SLC37A1: variants seen among roughly 807,000 people sequenced by gnomAD.
The protein encoded by SLC37A1 is glucose-6-phosphate exchanger SLC37A1.
In SLC37A1, 49 loss-of-function variants were observed where a neutral mutation model predicts 75.3. That is an observed-to-expected ratio of 0.65 (90% CI 0.52 to 0.83). The LOEUF (loss-of-function observed/expected upper bound fraction) is 0.83, where lower values mean the gene tolerates loss of function less well. Ranked by LOEUF, SLC37A1 falls within the 40% of genes least tolerant of loss-of-function variation. The pLI, the probability that SLC37A1 is intolerant of heterozygous loss-of-function variation, is 0.00. For missense variants in SLC37A1, 566 were observed against 695.0 expected (o/e 0.81, Z 2.09); for synonymous variants, 268 against 292.1 (o/e 0.92, Z 0.84).
intron 8 of SLC37A1, 86 bp downstream of exon 8, chr21:42,543,688 G>A: frequency 7.2e-7 from 1 of 1,393,638 alleles, no homozygotes; most frequent in Non-Finnish European, 9.7e-7. Flanking sequence ...GAGTGTGAGA[G>A]CTGCGTGGCC....
At position 42,548,333 on chromosome 21, in the gene SLC37A1, T is replaced by G. The variant is rs978439053; in HGVS notation, c.768+1193T>G. Among the ~76,000 whole-genome samples the G allele has an allele frequency of 1.3e-5, 2 of 152,008 alleles. No homozygotes were observed. The highest frequency in any genetic ancestry group is 4.8e-5 in the African/African-American group (2 of 41,378). On this transcript the variant is annotated intron_variant, in intron 9 of 19. Transcript: ENST00000352133. The surrounding 1 kb of genome is among the most constrained non-coding windows in gnomAD (Gnocchi z 5.6). The stretch of plus-strand genomic sequence containing the variant: ...GAGATGTCTGAGTGTCCTTCAGACT[T>G]AACACGACTGGAGGAGATCTCTTGA...
intron 17 of SLC37A1, among the ~76,000 whole-genome samples, chr21:42,572,457 T>C (rs1332871462): frequency 1.3e-5 from 2 of 151,878 alleles, no homozygotes; most frequent in Admixed American, 6.6e-5. Context: ...CCTTCAACTT[T>C]CCTTTCTTTC....
chr21:42,554,191 A>G, intron 10 of SLC37A1, 49 bp downstream of exon 10: 1 of 1,565,988 alleles, frequency 6.4e-7, no homozygotes, highest in Non-Finnish European at 8.8e-7. Flanking sequence ...GCTGCAGGAA[A>G]ACTCCTTTGA....
At chr21:42,517,607 G>C (rs1238062015) in intron 1 of SLC37A1, among the ~76,000 whole-genome samples, 1 of 152,208 alleles carries the variant, frequency 6.6e-6, no homozygotes, top group East Asian at 1.9e-4. Context: ...TGGGAGACCA[G>C]GCCTGCCTGC....
intron 2 of SLC37A1, among the ~76,000 whole-genome samples, chr21:42,525,479 G>C (rs1388441914): frequency 6.6e-6 from 1 of 152,216 alleles, no homozygotes; most frequent in African/African-American, 2.4e-5. Flanking sequence ...TGGTATATGG[G>C]GAAAACCCCT....
In SLC37A1 at chr21:42,534,808, C is replaced by A. The variant is rs371414071; in HGVS notation, c.249C>A (p.Thr83=). Residue 83 remains threonine (T), a synonymous_variant, in exon 4 of 20, where the codon ACC becomes ACA. Transcript: ENST00000352133. The part of the protein sequence containing the change: ...AAPHQLPDNE[T]DCGWAPFDKN... ...CCCACCAGCTCCCTGACAATGAGAC[C>A]GACTGTGGCTGGGCACCGTTTGGTA... The A allele has an allele frequency of 6.2e-7, 1 of 1,613,836 alleles. No homozygotes were observed. Among genetic ancestry groups the A allele is most frequent in the Non-Finnish European group, 8.5e-7 (1 of 1,179,910 alleles).
intron 12 of SLC37A1, among the ~76,000 whole-genome samples, chr21:42,563,032 G>C (rs184627808): frequency 6.6e-6 from 1 of 152,068 alleles, no homozygotes; most frequent in Non-Finnish European, 1.5e-5. Context: ...TTGAGGAGGC[G>C]GTCTGGGGAC....
At chr21:42,569,738 T>C (rs978757270) in intron 17 of SLC37A1, among the ~76,000 whole-genome samples, 11 of 152,368 alleles carry the variant, frequency 7.2e-5, no homozygotes, top group Admixed American at 1.3e-4. Context: ...TTGTCTCCTC[T>C]GTCTCCTGCC....
chr21:42,508,962 C>T (rs1386768629), upstream of SLC37A1, among the ~76,000 whole-genome samples: 1 of 152,188 alleles, frequency 6.6e-6, no homozygotes, highest in Non-Finnish European at 1.5e-5. Context: ...GTCTCTAATT[C>T]AAGTATCACA....
chr21:42,570,052 G>T, intron 17 of SLC37A1, among the ~76,000 whole-genome samples: 1 of 149,960 alleles, frequency 6.7e-6, no homozygotes, highest in Non-Finnish European at 1.5e-5. Flanking sequence ...CTGAGAAGCG[G>T]CGGGCAGGGT....
At chr21:42,525,910 G>T (rs376039498) in intron 3 of SLC37A1, 53 bp downstream of exon 3, 3 of 1,410,170 alleles carry the variant, frequency 2.1e-6, no homozygotes, top group South Asian at 1.2e-5. Context: ...TTCGTCACTT[G>T]AAAAGCTTGT....
At chr21:42,517,898 G>T (rs1458638967) in intron 1 of SLC37A1, among the ~76,000 whole-genome samples, 1 of 152,242 alleles carries the variant, frequency 6.6e-6, no homozygotes, top group Non-Finnish European at 1.5e-5. Context: ...TGGAACTGAG[G>T]CAGTCCAGTG....
chr21:42,532,747 C>G (rs546936859), intron 3 of SLC37A1, among the ~76,000 whole-genome samples: 89 of 152,208 alleles, frequency 5.8e-4, no homozygotes, highest in African/African-American at 2.0e-3. Context: ...CAGGGGGACC[C>G]AAGCAGTTGG....
At chr21:42,515,313 T>C (rs1232732698) in intron 1 of SLC37A1, among the ~76,000 whole-genome samples, 4 of 152,210 alleles carry the variant, frequency 2.6e-5, no homozygotes, top group African/African-American at 9.7e-5. Flanking sequence ...ATGAAAACTT[T>C]TGGAGGAGAA....
At position 42,518,356 on chromosome 21, in the gene SLC37A1, G is replaced by A. The variant is rs1255609759; in HGVS notation, c.-99G>A. The A allele has an allele frequency of 3.9e-5, 57 of 1,479,540 alleles. No homozygotes were observed. The highest frequency in any genetic ancestry group is 1.8e-4 in the South Asian group (16 of 87,812). 91.7% of individuals were successfully genotyped at this position (1,479,540 alleles called of 1,614,324 possible). A position where few individuals can be genotyped will look rare whatever the true frequency, so the allele number is the denominator to read the frequency against. On this transcript the variant is annotated 5_prime_UTR_variant, in exon 2 of 20. Coordinates refer to ENST00000352133, the MANE Select transcript of SLC37A1 (RefSeq NM_001320537.2). ...TCCACGCTTTCCAGCCTGTGGGAGCGGCAGGGGCAACAGAGAGAGGATCTG... is the reference window on the plus strand; with the variant it reads ...TCCACGCTTTCCAGCCTGTGGGAGCAGCAGGGGCAACAGAGAGAGGATCTG...
At chr21:42,528,434 G>A (rs530360357) in intron 3 of SLC37A1, among the ~76,000 whole-genome samples, 12 of 152,318 alleles carry the variant, frequency 7.9e-5, no homozygotes, top group East Asian at 5.8e-4. Flanking sequence ...GAGGCTTCCC[G>A]GAGAAGCTTA....
intron 2 of SLC37A1, among the ~76,000 whole-genome samples, chr21:42,519,373 C>T (rs955594866): frequency 6.6e-6 from 1 of 152,070 alleles, no homozygotes; most frequent in Non-Finnish European, 1.5e-5. Context: ...AACAGATGGG[C>T]GATGTGGTAG....
chr21:42,563,683 C>A, intron 12 of SLC37A1, 132 bp from the exon 13 acceptor site: 2 of 725,944 alleles, frequency 2.8e-6, no homozygotes, highest in South Asian at 3.3e-5. Context: ...GAGTTAACTA[C>A]TAATTGCTCC....
At chr21:42,521,106 C>T (rs926874291) in intron 2 of SLC37A1, among the ~76,000 whole-genome samples, 8 of 152,220 alleles carry the variant, frequency 5.3e-5, no homozygotes, top group African/African-American at 1.7e-4. Flanking sequence ...GGATGCACCC[C>T]GTGGGGCGGC....
Sources: allele counts gnomAD v4.1 joint callset (sites outside exome capture counted in the v4.1 genomes callset), GRCh38; gene constraint gnomAD v4.1.1; non-coding constraint Gnocchi (gnomAD v3.1); transcripts MANE v1.5; gene names NCBI Gene and HGNC (gene_info 2026-07-23, HGNC 2026-07-21).